The following PCDH15 variants were observed in gnomAD, a reference collection of about 807,000 sequenced individuals.
PCDH15 encodes the protein protocadherin-15.
In PCDH15, 129 loss-of-function variants were observed where a neutral mutation model predicts 178.5. The observed-to-expected ratio is 0.72, with a 90% confidence interval of 0.63 to 0.84. The LOEUF is 0.84. PCDH15 is among the 40% of genes least tolerant of loss of function. The probability of loss-of-function intolerance (pLI) is 0.00; values close to 1 mark genes in which losing one functional copy is unlikely to be tolerated. For missense variants in PCDH15, 2,230 were observed against 2,099.9 expected (o/e 1.06, Z -1.21); for synonymous variants, 800 against 732.0 (o/e 1.09, Z -1.50).
intron 1 of PCDH15, among the ~76,000 whole-genome samples, chr10:54,679,388 T>C (rs918115034): frequency 4.6e-5 from 7 of 152,178 alleles, no homozygotes; most frequent in African/African-American, 7.2e-5. Flanking sequence ...AAACACACTC[T>C]GTTTCATGTT....
intron 1 of PCDH15, among the ~76,000 whole-genome samples, chr10:55,210,728 A>G (rs1840547779): frequency 7.3e-6 from 1 of 136,682 alleles, no homozygotes; most frequent in Non-Finnish European, 1.5e-5. Context: ...TCCCGTGTTC[A>G]AGTGATTCTC....
intron 1 of PCDH15, among the ~76,000 whole-genome samples, chr10:55,237,571 C>A (rs1241066989): frequency 6.6e-6 from 1 of 151,856 alleles, no homozygotes; most frequent in Non-Finnish European, 1.5e-5. Context: ...CAATGATTTC[C>A]TTCTTAGTGC....
chr10:54,982,477 G>T (rs1381982267), intron 2 of PCDH15, among the ~76,000 whole-genome samples: 1 of 152,216 alleles, frequency 6.6e-6, no homozygotes, highest in South Asian at 2.1e-4. Context: ...AATATTATTT[G>T]CATAGGTAGG....
At chr10:55,450,759 G>T (rs1208542553) in intron 2 of PCDH15, among the ~76,000 whole-genome samples, 1 of 151,724 alleles carries the variant, frequency 6.6e-6, no homozygotes, top group Non-Finnish European at 1.5e-5. Context: ...ATCTATTTTT[G>T]TCTTGTGTGA....
intron 1 of PCDH15, among the ~76,000 whole-genome samples, chr10:55,272,803 T>C (rs1227630821): frequency 6.6e-6 from 1 of 152,092 alleles, no homozygotes; most frequent in East Asian, 1.9e-4. Flanking sequence ...TTTTTTGCTT[T>C]ACTTGGATGG....
At chr10:54,683,993 TAAG>T (rs1247327681) in intron 1 of PCDH15, among the ~76,000 whole-genome samples, 6 of 152,030 alleles carry the variant, frequency 3.9e-5, no homozygotes, top group Admixed American at 2.0e-4. Flanking sequence ...TTTGAGATAC[TAAG>T]AAGATTATCA....
At chr10:55,219,034 T>A (rs1840792269) in intron 1 of PCDH15, among the ~76,000 whole-genome samples, 1 of 152,018 alleles carries the variant, frequency 6.6e-6, no homozygotes, top group African/African-American at 2.4e-5. Context: ...TCTCTCATAA[T>A]TATCAAGTGA....
At chr10:54,782,922 G>C (rs1181109734) in intron 1 of PCDH15, among the ~76,000 whole-genome samples, 1 of 151,990 alleles carries the variant, frequency 6.6e-6, no homozygotes, top group Non-Finnish European at 1.5e-5. Flanking sequence ...GTGCCCACCA[G>C]AACCCAAGCC....
chr10:54,696,383 A>T (rs1483830851), intron 1 of PCDH15, among the ~76,000 whole-genome samples: 1 of 152,160 alleles, frequency 6.6e-6, no homozygotes, highest in Non-Finnish European at 1.5e-5. Context: ...TGTGTGGATG[A>T]ATACAAAAAA....
At chr10:54,918,358 T>A (rs1433923647) in intron 2 of PCDH15, among the ~76,000 whole-genome samples, 1 of 152,186 alleles carries the variant, frequency 6.6e-6, no homozygotes, top group Non-Finnish European at 1.5e-5. Flanking sequence ...ATTATAGGAT[T>A]TGTTTTTTGG....
chr10:53,816,680 C>T (rs1395570536), intron 34 of PCDH15, among the ~76,000 whole-genome samples: 1 of 152,044 alleles, frequency 6.6e-6, no homozygotes, highest in African/African-American at 2.4e-5. Flanking sequence ...CCTTCCCAAT[C>T]ACATTAAATG....
chr10:54,203,464 C>T (rs1038031381), intron 10 of PCDH15, among the ~76,000 whole-genome samples: 1 of 152,012 alleles, frequency 6.6e-6, no homozygotes, highest in Non-Finnish European at 1.5e-5. Context: ...AATAAAGGAA[C>T]CTCAGATTGA....
chr10:54,190,951 T>A (rs2048935619), intron 11 of PCDH15, among the ~76,000 whole-genome samples: 1 of 152,142 alleles, frequency 6.6e-6, no homozygotes, highest in Non-Finnish European at 1.5e-5. Flanking sequence ...TAAGGAATAA[T>A]AGATGAATTA....
At chr10:53,855,920 A>ATATATATATGTGTGTGTGTG (rs1201156130) in intron 28 of PCDH15, among the ~76,000 whole-genome samples, 1 of 140,380 alleles carries the variant, frequency 7.1e-6, no homozygotes, top group Non-Finnish European at 1.5e-5. Context: ...ATATATATAT[A>ATATATATATGTGTGTGTGTG]TGTATGTGTG....
At chr10:55,019,124 T>G (rs1399378168) in intron 2 of PCDH15, among the ~76,000 whole-genome samples, 1 of 152,188 alleles carries the variant, frequency 6.6e-6, no homozygotes, top group Non-Finnish European at 1.5e-5. Flanking sequence ...TATCAATCAC[T>G]GACACGAAGT....
intron 26 of PCDH15, among the ~76,000 whole-genome samples, chr10:53,898,020 G>A (rs1244921456): frequency 7.2e-6 from 1 of 139,128 alleles, no homozygotes; most frequent in East Asian, 2.2e-4. Context: ...AGGCTGGAGT[G>A]CAGTGGCGTG....
At chr10:54,634,937 C>G (rs565622677) in intron 2 of PCDH15, among the ~76,000 whole-genome samples, 9 of 151,590 alleles carry the variant, frequency 5.9e-5, no homozygotes, top group Non-Finnish European at 1.0e-4. Context: ...AGGTGATTTT[C>G]TAAGTGTACA....
intron 26 of PCDH15, among the ~76,000 whole-genome samples, chr10:53,867,744 C>T (rs956196308): frequency 4.6e-5 from 7 of 151,678 alleles, no homozygotes; most frequent in African/African-American, 1.2e-4. Flanking sequence ...TATAAAAGAA[C>T]GTAGTAAAAT....
At chr10:54,891,490 C>G (rs921056763) in intron 3 of PCDH15, among the ~76,000 whole-genome samples, 2 of 152,046 alleles carry the variant, frequency 1.3e-5, no homozygotes, top group African/African-American at 4.8e-5. Context: ...CTTCTTCTAG[C>G]CTACAACATT....
Sources: gnomAD v4.1 joint callset for allele counts (sites outside exome capture counted in the v4.1 genomes callset) on GRCh38, gnomAD v4.1.1 for gene constraint, MANE v1.5 for transcripts, NCBI Gene and HGNC (gene_info 2026-07-23, HGNC 2026-07-21) for gene names.